Variants in INSL6 observed in about 807,000 individuals in gnomAD.
INSL6 encodes insulin like 6.
INSL6 carries 16 observed loss-of-function variants against 9.4 expected under a neutral mutation model. The ratio of observed to expected loss-of-function variants is 1.70; its 90% CI spans 1.15 to 2.59. INSL6 has a LOEUF of 2.59. Among genes scored for constraint, INSL6 ranks in the 30% most tolerant of loss-of-function variants. The pLI is 0.00. For missense variants in INSL6, 391 were observed against 257.3 expected, an observed-to-expected ratio of 1.52 and a Z score of -3.56; for synonymous variants, 154 against 96.9, an observed-to-expected ratio of 1.59 and a Z score of -3.46.
the INSL6 span, among the ~76,000 whole-genome samples, chr9:5,115,962 T>G: frequency 6.6e-6 from 1 of 151,942 alleles, no homozygotes; most frequent in Admixed American, 6.5e-5. Flanking sequence ...ATGTAGTTGA[T>G]GGGTTGATGG....
the INSL6 span, among the ~76,000 whole-genome samples, chr9:5,042,186 G>A: frequency 3.4e-5 from 5 of 146,454 alleles, no homozygotes; most frequent in African/African-American, 1.3e-4. Context: ...GCCGGACTGC[G>A]GACTGCAGTG....
chr9:5,040,479 G>C, the INSL6 span, among the ~76,000 whole-genome samples: 4 of 152,220 alleles, frequency 2.6e-5, no homozygotes, highest in Non-Finnish European at 1.5e-5. Context: ...AAAAACATCT[G>C]TGTGTCAAAG....
intron 3 of INSL6, among the ~76,000 whole-genome samples, chr9:5,129,460 C>G (rs1824204688): frequency 6.6e-6 from 1 of 152,064 alleles, no homozygotes; most frequent in East Asian, 1.9e-4. Flanking sequence ...AATTCTTGTA[C>G]TGAAATTATT....
the INSL6 span, among the ~76,000 whole-genome samples, chr9:5,059,418 A>G: frequency 1.3e-5 from 2 of 152,200 alleles, no homozygotes; most frequent in Non-Finnish European, 2.9e-5. Flanking sequence ...ATTGCTGGGT[A>G]GTATTGAATT....
At chr9:5,061,789 C>T in the INSL6 span, among the ~76,000 whole-genome samples, 4 of 152,302 alleles carry the variant, frequency 2.6e-5, no homozygotes, top group East Asian at 1.9e-4. Flanking sequence ...TAGCTTTCAG[C>T]GTGTGTTGGC....
downstream of INSL6, among the ~76,000 whole-genome samples, chr9:5,120,485 C>G (rs992669762): frequency 4.6e-4 from 70 of 152,232 alleles, 2 homozygotes; most frequent in East Asian, 3.1e-3. Context: ...TTTTCTTGTT[C>G]GAAAAGGCTC....
At chr9:5,146,874 G>A (rs1238083411) in intron 2 of INSL6, among the ~76,000 whole-genome samples, 1 of 152,172 alleles carries the variant, frequency 6.6e-6, no homozygotes, top group Non-Finnish European at 1.5e-5. Flanking sequence ...GTCCACTGGT[G>A]CAAAAGCTAT....
intron 1 of INSL6, among the ~76,000 whole-genome samples, chr9:5,183,908 C>G (rs572833282): frequency 6.6e-6 from 1 of 152,218 alleles, no homozygotes; most frequent in Admixed American, 6.5e-5. Flanking sequence ...AACTCAGAGT[C>G]GGTAAATTAA....
the INSL6 span, among the ~76,000 whole-genome samples, chr9:5,104,797 A>G: frequency 1.3e-5 from 2 of 152,214 alleles, no homozygotes; most frequent in Non-Finnish European, 2.9e-5. Flanking sequence ...AACAGAACCA[A>G]TGACAAAAAC....
At chr9:5,131,620 A>G (rs951131372) in intron 3 of INSL6, among the ~76,000 whole-genome samples, 1 of 151,832 alleles carries the variant, frequency 6.6e-6, no homozygotes, top group African/African-American at 2.4e-5. Context: ...TGTATTTACT[A>G]GTAGAGACAG....
At chr9:5,059,188 C>A in the INSL6 span, among the ~76,000 whole-genome samples, 1 of 152,156 alleles carries the variant, frequency 6.6e-6, no homozygotes, top group African/African-American at 2.4e-5. Context: ...CAGAATAGTT[C>A]TCTTACTCCT....
At chr9:5,145,311 T>A (rs1824580591) in intron 2 of INSL6, among the ~76,000 whole-genome samples, 1 of 152,202 alleles carries the variant, frequency 6.6e-6, no homozygotes, top group Admixed American at 6.5e-5. Context: ...TTGGAGGGTT[T>A]CCACTGAGAG....
the INSL6 span, among the ~76,000 whole-genome samples, chr9:5,048,541 T>C: frequency 6.6e-6 from 1 of 152,184 alleles, no homozygotes; most frequent in South Asian, 2.1e-4. Flanking sequence ...TTGCCTGTTC[T>C]CAAAAGTGTG....
At chr9:5,045,491 C>A in the INSL6 span, among the ~76,000 whole-genome samples, 26 of 152,284 alleles carry the variant, frequency 1.7e-4, no homozygotes, top group African/African-American at 5.8e-4. Flanking sequence ...CATTGCTGTA[C>A]AACCATCACC....
chr9:5,181,564 A>G (rs1005663630), intron 1 of INSL6, among the ~76,000 whole-genome samples: 1 of 152,214 alleles, frequency 6.6e-6, no homozygotes, highest in African/African-American at 2.4e-5. Context: ...AAGTTAACAG[A>G]AGGACAGAAA....
At chr9:5,041,146 G>C in the INSL6 span, 2 of 1,104,158 alleles carry the variant, frequency 1.8e-6, no homozygotes, top group African/African-American at 1.5e-5. Flanking sequence ...CCATCCGGCT[G>C]ATCACGCGCA....
chr9:5,027,205 C>T, the INSL6 span, among the ~76,000 whole-genome samples: 1 of 152,156 alleles, frequency 6.6e-6, no homozygotes, highest in Non-Finnish European at 1.5e-5. Context: ...AAAATACTGA[C>T]ACACCTCGGA....
At chr9:5,080,190 T>A in the INSL6 span, 1 of 1,464,486 alleles carries the variant, frequency 6.8e-7, no homozygotes, top group Non-Finnish European at 9.3e-7. Context: ...GGTTTACTTG[T>A]GAATTATTTA....
the INSL6 span, among the ~76,000 whole-genome samples, chr9:5,028,357 C>G: frequency 6.6e-6 from 1 of 152,288 alleles, no homozygotes; most frequent in South Asian, 2.1e-4. Context: ...GTAAACCACG[C>G]TATATACAGA....
Sources: gnomAD v4.1 joint callset for allele counts (sites outside exome capture counted in the v4.1 genomes callset) on GRCh38, gnomAD v4.1.1 for gene constraint, MANE v1.5 for transcripts, NCBI Gene and HGNC (gene_info 2026-07-23, HGNC 2026-07-21) for gene names.